MAP1B: variants seen among roughly 807,000 people sequenced by gnomAD.
MAP1B encodes microtubule associated protein 1B.
Under a neutral mutation model 176.1 loss-of-function variants are expected in MAP1B, and 12 were observed. The observed-to-expected ratio is 0.07, with a 90% CI of 0.04 to 0.11. The LOEUF (loss-of-function observed/expected upper bound fraction) is 0.11. MAP1B is among the 10% of genes least tolerant of loss of function. The pLI is 1.00. For missense variants in MAP1B, 2,523 were observed against 2,990.5 expected (o/e 0.84, Z 3.65); for synonymous variants, 1,044 against 1,135.0 (o/e 0.92, Z 1.61).
chr5:72,108,833 T>C (rs999074508), intron 1 of MAP1B, among the ~76,000 whole-genome samples: 1 of 152,214 alleles, frequency 6.6e-6, no homozygotes, highest in Non-Finnish European at 1.5e-5. Flanking sequence ...CTCTGGTCTC[T>C]GCCTTTCCCT....
At chr5:72,202,153 A>G (rs1174243002) in intron 5 of MAP1B, among the ~76,000 whole-genome samples, 2 of 152,094 alleles carry the variant, frequency 1.3e-5, no homozygotes. Flanking sequence ...GTACTAATTG[A>G]CTTTTAAAGC....
chr5:72,152,634 ATGGGG>A, intron 2 of MAP1B, among the ~76,000 whole-genome samples: 1 of 152,068 alleles, frequency 6.6e-6, no homozygotes, highest in Non-Finnish European at 1.5e-5. Flanking sequence ...TTTAGTAGAG[ATGGGG>A]TTTTACTATG....
chr5:72,116,403 A>G (rs962957854), intron 2 of MAP1B: 4 of 409,530 alleles, frequency 9.8e-6, no homozygotes, highest in African/African-American at 8.4e-5. Flanking sequence ...AACTTCTGTT[A>G]AAATAGCCTT....
At chr5:72,149,838 A>G (rs1746110704) in intron 2 of MAP1B, among the ~76,000 whole-genome samples, 1 of 152,224 alleles carries the variant, frequency 6.6e-6, no homozygotes, top group Non-Finnish European at 1.5e-5. Flanking sequence ...TGAAATAGAA[A>G]TAAGAATTTA....
chr5:72,173,064 C>T (rs1021564969), intron 2 of MAP1B, among the ~76,000 whole-genome samples: 3 of 152,218 alleles, frequency 2.0e-5, no homozygotes, highest in African/African-American at 4.8e-5. Context: ...GGCTGTTGCT[C>T]CACTGCCCTG....
In MAP1B at chr5:72,123,524, G is replaced by A. The variant is rs371701852; in HGVS notation, c.286+7725G>A. On this transcript the variant is annotated intron_variant, in intron 2 of 6. Coordinates refer to ENST00000296755, the MANE Select transcript of MAP1B (RefSeq NM_005909.5). ...TTTGAAGATGGAGTCTCACTCTGTC[G>A]CCCAGGCTGGAGTGCAGTGGTGCGA... 1.1e-4 allele frequency among the ~76,000 whole-genome samples: 16 copies of A among 149,916 alleles called. No individual in the cohort carries two copies. The East Asian group carries it at 2.5e-3, about 24-fold the overall frequency.
rs1747433242 is a variant in MAP1B at position 72,205,665 on chromosome 5, A to T, written c.*426A>T. On this transcript the variant is annotated 3_prime_UTR_variant, in exon 7 of 7. Coordinates refer to ENST00000296755, the MANE Select transcript of MAP1B (RefSeq NM_005909.5). ...AAAGGAATGCAAGAGAAGGAGATGT[A>T]ATGACAGAGAGTTCTGGTGAGATAC... is the stretch of plus-strand genomic sequence containing the variant. The T allele has an allele frequency of 6.3e-6, 1 of 158,852 alleles. No homozygotes were observed. Among genetic ancestry groups the T allele is most frequent in the Non-Finnish European group, 1.4e-5 (1 of 71,830 alleles). 9.8% of individuals were successfully genotyped at this position (158,852 alleles called of 1,614,324 possible).
rs1365004941 is a variant in MAP1B, at chr5:72,199,162, G to A, written c.5807G>A (p.Gly1936Asp). Residue 1936 changes from glycine (G) to aspartate (D), a missense_variant, in exon 5 of 7, where the codon GGT becomes GAT. By Grantham distance (94) the Gly-to-Asp change is moderately conservative. This residue lies in a region of MAP1B where 1,925 missense variants were observed against 2,126.0 expected (regional missense o/e 0.91). Transcript: ENST00000296755. The surrounding 1 kb of genome is among the most constrained non-coding windows in gnomAD (Gnocchi z 4.2). ...AAAACTACCAAGACCCCTGAAGATGGTGACTATTCCTATGAAATTATTGAG... is the reference window on the plus strand; with the variant it reads ...AAAACTACCAAGACCCCTGAAGATGATGACTATTCCTATGAAATTATTGAG... ...IGKTTKTPED[G>D]DYSYEIIEKT... The A allele has an allele frequency of 8.1e-6, 13 of 1,613,988 alleles. No individual in the cohort carries two copies. Among genetic ancestry groups the A allele is most frequent in the Non-Finnish European group, 1.1e-5 (13 of 1,180,034 alleles).
chr5:72,127,764 A>T (rs1579986056), intron 2 of MAP1B, among the ~76,000 whole-genome samples: 1 of 152,366 alleles, frequency 6.6e-6, no homozygotes, highest in East Asian at 1.9e-4. Context: ...CAAATATTCT[A>T]GCTAATTGAG....
At position 72,197,100 on chromosome 5, in the gene MAP1B, G is replaced by A; in HGVS notation, c.3745G>A (p.Glu1249Lys). Reference protein sequence around the residue: ...IKDSISAVSSEKVSPSKSPSL... With the variant: ...IKDSISAVSSKKVSPSKSPSL... ...AGATAGCATCTCAGCTGTTTCAAGT[G>A]AAAAGGTCAGCCCATCGAAGAGCCC... The change falls in exon 5 of 7, where the codon GAA (glutamate) becomes AAA (lysine). Residue 1249 changes from glutamate to lysine, a missense_variant. By Grantham distance (56) the Glu-to-Lys change is moderately conservative (BLOSUM62 1). Coordinates refer to ENST00000296755, the MANE Select transcript of MAP1B (RefSeq NM_005909.5). The A allele has an allele frequency of 6.2e-7, 1 of 1,614,204 alleles. No individual in the cohort carries two copies. Among genetic ancestry groups the A allele is most frequent in the Non-Finnish European group, 8.5e-7 (1 of 1,180,048 alleles).
rs777278694 is a variant in MAP1B, at chr5:72,197,146, C to A, written c.3791C>A (p.Pro1264Gln). Residue 1264 changes from proline to glutamine, a missense_variant, in exon 5 of 7, where the codon CCA (proline) becomes CAA (glutamine). Physicochemically the swap from Pro to Gln is moderately conservative, Grantham distance 76 (BLOSUM62 -1). Around this residue, in one of 4 missense-constraint regions of MAP1B, gnomAD observed 1,925 missense variants for 2,126.0 expected, o/e 0.91. Coordinates refer to ENST00000296755, the MANE Select transcript of MAP1B (RefSeq NM_005909.5). ...AGCCCGTCCCTGAGTCCATCTCCACCATCACCCTTAGAAAAGACCCCCCTG... is the reference window on the plus strand; with the variant it reads ...AGCCCGTCCCTGAGTCCATCTCCACAATCACCCTTAGAAAAGACCCCCCTG... ...SKSPSLSPSPPSPLEKTPLGE... is the reference protein window; with the variant it reads ...SKSPSLSPSPQSPLEKTPLGE... The A allele has an allele frequency of 2.5e-6, 4 of 1,614,114 alleles. No homozygotes were observed. The highest frequency in any genetic ancestry group is 3.3e-5 in the Admixed American group (2 of 60,012).
chr5:72,194,351 G>C lies in MAP1B; in HGVS notation c.996G>C (p.Glu332Asp). Reference sequence around the variant, plus strand: ...TACAGCGGAAAATTGCAGAGCTCGAGGAAGAACAGTCCCAGGGCTCCACCA... The same window carrying C: ...TACAGCGGAAAATTGCAGAGCTCGACGAAGAACAGTCCCAGGGCTCCACCA... ...SMLQRKIAEL[E>D]EEQSQGSTTN... Residue 332 changes from glutamate (E) to aspartate (D), a missense_variant, in exon 5 of 7, where the codon GAG becomes GAC. Glu to Asp is a conservative substitution (Grantham distance 45, BLOSUM62 2). Coordinates refer to ENST00000296755, the MANE Select transcript of MAP1B (RefSeq NM_005909.5). This position sits in a 1 kb window ranked among gnomAD's most constrained non-coding sequence, Gnocchi z 7.2. The C allele has an allele frequency of 1.2e-6, 2 of 1,614,180 alleles. No individual in the cohort carries two copies. Among genetic ancestry groups the C allele is most frequent in the Non-Finnish European group, 1.7e-6 (2 of 1,180,048 alleles).
intron 2 of MAP1B, among the ~76,000 whole-genome samples, chr5:72,166,333 C>T (rs1259346633): frequency 6.6e-6 from 1 of 152,126 alleles, no homozygotes; most frequent in Non-Finnish European, 1.5e-5. Flanking sequence ...CCTTTCCAGC[C>T]TCTGGGGAGA....
At chr5:72,135,490 G>C (rs765157364) in intron 2 of MAP1B, among the ~76,000 whole-genome samples, 1 of 152,144 alleles carries the variant, frequency 6.6e-6, no homozygotes, top group Non-Finnish European at 1.5e-5. Flanking sequence ...TTTCCTCCTT[G>C]TGGAGTAGAC....
At chr5:72,171,017 G>A (rs1746525922) in intron 2 of MAP1B, among the ~76,000 whole-genome samples, 1 of 152,132 alleles carries the variant, frequency 6.6e-6, no homozygotes, top group Non-Finnish European at 1.5e-5. Flanking sequence ...AAAGCTTTAT[G>A]TTCATGTAGC....
chr5:72,122,053 A>T (rs573159406), intron 2 of MAP1B, among the ~76,000 whole-genome samples: 3 of 152,328 alleles, frequency 2.0e-5, no homozygotes, highest in African/African-American at 7.2e-5. Flanking sequence ...ATACAAGGTT[A>T]TAGGAGAAAT....
chr5:72,203,208 A>T (rs1747368812), intron 5 of MAP1B, among the ~76,000 whole-genome samples: 1 of 152,236 alleles, frequency 6.6e-6, no homozygotes, highest in African/African-American at 2.4e-5. Flanking sequence ...CACTTATCAA[A>T]TAAAGAAACA....
chr5:72,117,798 T>C (rs929061778), intron 2 of MAP1B, among the ~76,000 whole-genome samples: 3 of 152,214 alleles, frequency 2.0e-5, no homozygotes, highest in Admixed American at 1.3e-4. Flanking sequence ...AGCCTATGAG[T>C]ACGCTTTACA....
At chr5:72,185,062 G>A (rs1746864504) in intron 3 of MAP1B, among the ~76,000 whole-genome samples, 1 of 152,176 alleles carries the variant, frequency 6.6e-6, no homozygotes, top group South Asian at 2.1e-4. Flanking sequence ...GATATACTAT[G>A]TGGCCTTGCG....
Sources: allele counts gnomAD v4.1 joint callset (sites outside exome capture counted in the v4.1 genomes callset), GRCh38; gene constraint gnomAD v4.1.1; regional missense constraint gnomAD v4.1.1; non-coding constraint Gnocchi (gnomAD v3.1); transcripts MANE v1.5; gene names NCBI Gene and HGNC (gene_info 2026-07-23, HGNC 2026-07-21).